ADGRV1: variants seen among roughly 807,000 people sequenced by gnomAD.
ADGRV1 encodes the protein adhesion G protein-coupled receptor V1, also known as G-protein coupled receptor 98.
ADGRV1 carries 359 observed loss-of-function variants against 596.2 expected under a neutral mutation model. The observed-to-expected ratio is 0.60, with a 90% CI of 0.55 to 0.66. The LOEUF (loss-of-function observed/expected upper bound fraction) is 0.66, where lower values mean the gene tolerates loss of function less well. Ranked by LOEUF, ADGRV1 falls within the 30% of genes least tolerant of loss-of-function variation. The pLI, the probability that ADGRV1 is intolerant of heterozygous loss-of-function variation, is 0.00. For synonymous variants in ADGRV1, 2,681 were observed against 2,679.2 expected, an observed-to-expected ratio of 1.00 and a Z score of -0.02; for missense variants, 7,274 against 7,575.6, an observed-to-expected ratio of 0.96 and a Z score of 1.48.
chr5:91,146,954 G>A (rs768570527), intron 87 of ADGRV1, among the ~76,000 whole-genome samples: 3 of 151,956 alleles, frequency 2.0e-5, no homozygotes, highest in Non-Finnish European at 4.4e-5. Context: ...TTGAGCTCAG[G>A]GATTCAAGAC....
chr5:90,741,468 T>C (rs1405242140), intron 50 of ADGRV1, among the ~76,000 whole-genome samples: 1 of 152,218 alleles, frequency 6.6e-6, no homozygotes, highest in African/African-American at 2.4e-5. Flanking sequence ...TTTTTTGCCT[T>C]TATTATATTT....
chr5:90,986,009 T>C (rs1581713522), intron 85 of ADGRV1, among the ~76,000 whole-genome samples: 1 of 151,530 alleles, frequency 6.6e-6, no homozygotes, highest in Non-Finnish European at 1.5e-5. Context: ...CACCTTGGTC[T>C]TAGATATTCT....
intron 72 of ADGRV1, among the ~76,000 whole-genome samples, chr5:90,806,199 G>A (rs1226153725): frequency 2.0e-5 from 3 of 152,130 alleles, no homozygotes; most frequent in Non-Finnish European, 4.4e-5. Context: ...AGAAGATGGG[G>A]GATGAGGGCT....
intron 78 of ADGRV1, among the ~76,000 whole-genome samples, chr5:90,846,917 C>T (rs541911778): frequency 6.6e-6 from 1 of 152,282 alleles, no homozygotes; most frequent in East Asian, 1.9e-4. Flanking sequence ...CATTTATAAT[C>T]CCTGAGCTAG....
intron 85 of ADGRV1, among the ~76,000 whole-genome samples, chr5:91,039,084 T>A (rs1785129138): frequency 1.3e-5 from 2 of 152,324 alleles, no homozygotes; most frequent in East Asian, 1.9e-4. Context: ...AACCTGGTGC[T>A]TCCAATATAT....
chr5:90,692,971 T>A (rs1433287969), intron 32 of ADGRV1, among the ~76,000 whole-genome samples, 185 bp downstream of exon 32: 1 of 152,184 alleles, frequency 6.6e-6, no homozygotes, highest in Non-Finnish European at 1.5e-5. Flanking sequence ...TCATTTATCA[T>A]ACCTATTGTT....
chr5:90,752,305 A>G (rs1207352107), intron 53 of ADGRV1, among the ~76,000 whole-genome samples: 1 of 152,074 alleles, frequency 6.6e-6, no homozygotes. Flanking sequence ...TATTTTTTTA[A>G]CTTTTATTTT....
chr5:91,040,386 G>A (rs1029159626), intron 85 of ADGRV1, among the ~76,000 whole-genome samples: 1 of 152,180 alleles, frequency 6.6e-6, no homozygotes, highest in Admixed American at 6.5e-5. Context: ...AAAGTGACCA[G>A]TTAGACGACT....
chr5:91,147,907 A>G (rs957987817), intron 87 of ADGRV1, among the ~76,000 whole-genome samples: 9 of 152,174 alleles, frequency 5.9e-5, no homozygotes, highest in Non-Finnish European at 4.4e-5. Flanking sequence ...AAATGCTGAT[A>G]GTGATGTGGA....
chr5:90,681,336 A>G lies in ADGRV1; in HGVS notation c.5546A>G (p.Gln1849Arg). ...HKRASLGVAS[Q>R]ILVTIAASDH... ...GCAGCCAGTCTAGGAGTGGCTTCCC[A>G]AATTCTAGTGACAATTGCAGCCTCT... Residue 1849 changes from glutamine (Q) to arginine (R), a missense_variant, in exon 27 of 90, where the codon CAA becomes CGA. By Grantham distance (43) the Gln-to-Arg change is conservative. Transcript: ENST00000405460. 6.2e-7 allele frequency: 1 copy of G among 1,613,660 alleles called. No homozygotes were observed. Among genetic ancestry groups the G allele is most frequent in the Non-Finnish European group, 8.5e-7 (1 of 1,179,762 alleles).
At chr5:90,978,763 C>G (rs1001261639) in intron 84 of ADGRV1, among the ~76,000 whole-genome samples, 2 of 151,974 alleles carry the variant, frequency 1.3e-5, no homozygotes, top group Non-Finnish European at 2.9e-5. Flanking sequence ...TTATTTTTAA[C>G]AAGGTGGCAT....
intron 59 of ADGRV1, among the ~76,000 whole-genome samples, chr5:90,768,213 G>A (rs1424513056): frequency 6.6e-6 from 1 of 152,184 alleles, no homozygotes; most frequent in African/African-American, 2.4e-5. Context: ...TGCATTAGGA[G>A]GCATGGGGTT....
chr5:90,643,260 C>T (rs529613886), intron 13 of ADGRV1, among the ~76,000 whole-genome samples: 2 of 152,066 alleles, frequency 1.3e-5, no homozygotes, highest in Non-Finnish European at 2.9e-5. Context: ...GAAGAAATAA[C>T]AAACAATCTT....
At chr5:90,819,809 A>G (rs2150277671) in intron 75 of ADGRV1, among the ~76,000 whole-genome samples, 1 of 152,104 alleles carries the variant, frequency 6.6e-6, no homozygotes, top group South Asian at 2.1e-4. Context: ...GTTCTTTTAC[A>G]TTTGCTGAGG....
intron 86 of ADGRV1, 27 bp from the exon 87 acceptor site, chr5:91,102,192 C>A: frequency 1.9e-6 from 3 of 1,587,128 alleles, no homozygotes; most frequent in Non-Finnish European, 2.6e-6. Flanking sequence ...TTCTGAAGCT[C>A]AAAAATTCTT....
rs761294534 is a variant in ADGRV1, at chr5:90,672,742, T to C, written c.4929+20T>C. 1 of 1,559,158 alleles carries C rather than the reference T, an allele frequency of 6.4e-7. No individual in the cohort carries two copies. Among genetic ancestry groups the C allele is most frequent in the African/African-American group, 1.4e-5 (1 of 73,428 alleles). ...TCAGAGGTAAACCCTACCTTTTTTG[T>C]TCCTTTGAAAGCCTCCTGGAAAGCT... On this transcript the variant is annotated intron_variant, in intron 22 of 89. Transcript: ENST00000405460.
At chr5:91,069,846 T>C (rs1788214750) in intron 85 of ADGRV1, among the ~76,000 whole-genome samples, 1 of 149,828 alleles carries the variant, frequency 6.7e-6, no homozygotes, top group Non-Finnish European at 1.5e-5. Context: ...AGCAAAGACA[T>C]GAAATCAACC....
At chr5:90,787,261 A>T (rs1432062890) in intron 67 of ADGRV1, among the ~76,000 whole-genome samples, 1 of 152,164 alleles carries the variant, frequency 6.6e-6, no homozygotes, top group African/African-American at 2.4e-5. Context: ...AAATCATAGA[A>T]ATGTAGAAAA....
At chr5:90,696,079 A>G (rs995605082) in intron 33 of ADGRV1, among the ~76,000 whole-genome samples, 9 of 152,170 alleles carry the variant, frequency 5.9e-5, no homozygotes, top group African/African-American at 2.2e-4. Flanking sequence ...TATTGATGAA[A>G]ATGCAGCAGG....
Sources: gnomAD v4.1 joint callset for allele counts (sites outside exome capture counted in the v4.1 genomes callset) on GRCh38, gnomAD v4.1.1 for gene constraint, MANE v1.5 for transcripts, NCBI Gene and HGNC (gene_info 2026-07-23, HGNC 2026-07-21) for gene names.